CDC42SE2: variants seen among roughly 807,000 people sequenced by gnomAD.
CDC42SE2 encodes CDC42 small effector protein 2.
Under a neutral mutation model 11.5 loss-of-function variants are expected in CDC42SE2, and 3 were observed. The ratio of observed to expected loss-of-function variants is 0.26; its 90% CI spans 0.12 to 0.67. CDC42SE2 has a LOEUF of 0.67. Ranked by LOEUF, CDC42SE2 falls within the 30% of genes least tolerant of loss-of-function variation. CDC42SE2 has a pLI of 0.80. For missense variants in CDC42SE2, 82 were observed against 106.8 expected (o/e 0.77, Z 1.02); for synonymous variants, 33 against 34.8 (o/e 0.95, Z 0.18).
intron 1 of CDC42SE2, among the ~76,000 whole-genome samples, chr5:131,279,458 C>T (rs1398279154): frequency 7.0e-6 from 1 of 143,770 alleles, no homozygotes. Flanking sequence ...CCCTCCCCCC[C>T]CCCCTTTCAG....
At chr5:131,238,732 C>T in the CDC42SE2 span, among the ~76,000 whole-genome samples, 1 of 151,756 alleles carries the variant, frequency 6.6e-6, no homozygotes, top group Non-Finnish European at 1.5e-5. Context: ...TAATAAGTAG[C>T]TCATTGAATT....
chr5:131,295,404 ATATAT>A (rs1480378051), intron 1 of CDC42SE2, among the ~76,000 whole-genome samples: 1 of 152,210 alleles, frequency 6.6e-6, no homozygotes, highest in Non-Finnish European at 1.5e-5. Context: ...GATTGGTTAA[ATATAT>A]TATGGTGCAT....
At chr5:131,353,313 G>C (rs907288871) in intron 2 of CDC42SE2, among the ~76,000 whole-genome samples, 1 of 148,432 alleles carries the variant, frequency 6.7e-6, no homozygotes, top group African/African-American at 2.5e-5. Context: ...ACACGGTCTT[G>C]TTCTGTTGCC....
At chr5:131,351,489 T>C (rs555014208) in intron 2 of CDC42SE2, among the ~76,000 whole-genome samples, 147 of 152,092 alleles carry the variant, frequency 9.7e-4, no homozygotes, top group South Asian at 7.5e-3. Context: ...CTCCTGACCT[T>C]GTGATCCGCC....
chr5:131,260,261 C>T (rs2149685993), upstream of CDC42SE2, among the ~76,000 whole-genome samples: 1 of 152,288 alleles, frequency 6.6e-6, no homozygotes, highest in Admixed American at 6.5e-5. Flanking sequence ...CAGACTCTGA[C>T]TCCGTACACC....
the CDC42SE2 span, among the ~76,000 whole-genome samples, chr5:131,238,144 G>T: frequency 6.6e-6 from 1 of 151,708 alleles, no homozygotes; most frequent in Non-Finnish European, 1.5e-5. Flanking sequence ...ATTCTCGGGG[G>T]TGAGGGCAAG....
chr5:131,265,758 A>T (rs1756846183), intron 1 of CDC42SE2, among the ~76,000 whole-genome samples: 1 of 152,212 alleles, frequency 6.6e-6, no homozygotes. Flanking sequence ...TTGTCAGTTT[A>T]ATAGAATCTG....
At chr5:131,258,072 C>T (rs1201987898) in intron 2 of CDC42SE2, among the ~76,000 whole-genome samples, 1 of 152,108 alleles carries the variant, frequency 6.6e-6, no homozygotes, top group Admixed American at 6.6e-5. Flanking sequence ...TTCATCTTTC[C>T]CCACTCTTGT....
intron 2 of CDC42SE2, among the ~76,000 whole-genome samples, chr5:131,331,988 T>G: frequency 6.6e-6 from 1 of 152,220 alleles, no homozygotes; most frequent in East Asian, 1.9e-4. Context: ...TTGTTATACT[T>G]TAAGTTTTAG....
At chr5:131,317,143 C>T (rs981860924) in intron 2 of CDC42SE2, among the ~76,000 whole-genome samples, 4 of 151,922 alleles carry the variant, frequency 2.6e-5, no homozygotes, top group Non-Finnish European at 5.9e-5. Context: ...TTTCTTTACC[C>T]ACACTGCTTC....
chr5:131,287,269 A>C (rs1038920733), intron 1 of CDC42SE2, among the ~76,000 whole-genome samples: 4 of 152,188 alleles, frequency 2.6e-5, no homozygotes, highest in Non-Finnish European at 5.9e-5. Flanking sequence ...TGCTGGGATT[A>C]CAGGCGTGAG....
At chr5:131,278,037 A>G (rs540179870) in intron 1 of CDC42SE2, among the ~76,000 whole-genome samples, 1 of 152,166 alleles carries the variant, frequency 6.6e-6, no homozygotes, top group African/African-American at 2.4e-5. Flanking sequence ...TCTGTCTCCC[A>G]GGCTGGAGTT....
At chr5:131,307,050 C>T (rs1171407645) in intron 1 of CDC42SE2, among the ~76,000 whole-genome samples, 1 of 151,544 alleles carries the variant, frequency 6.6e-6, no homozygotes, top group Non-Finnish European at 1.5e-5. Flanking sequence ...AATTTCTCTT[C>T]TTCCTTTTTT....
At chr5:131,377,250 C>T (rs963400703) in intron 3 of CDC42SE2, among the ~76,000 whole-genome samples, 2 of 151,278 alleles carry the variant, frequency 1.3e-5, no homozygotes, top group African/African-American at 4.9e-5. Context: ...CTCACTGCAA[C>T]GTCTGCCTCC....
intron 1 of CDC42SE2, among the ~76,000 whole-genome samples, chr5:131,277,898 C>T (rs747841340): frequency 1.1e-4 from 17 of 152,064 alleles, no homozygotes; most frequent in Non-Finnish European, 2.2e-4. Flanking sequence ...TGTCTTATTC[C>T]TTGCTGTCTA....
chr5:131,256,437 C>A (rs1554093668), intron 2 of CDC42SE2, among the ~76,000 whole-genome samples: 1 of 152,154 alleles, frequency 6.6e-6, no homozygotes, highest in Non-Finnish European at 1.5e-5. Context: ...TGCTGTGTGA[C>A]AAATTAATAT....
intron 2 of CDC42SE2, among the ~76,000 whole-genome samples, chr5:131,342,450 G>A (rs111874237): frequency 1.6e-3 from 220 of 134,116 alleles, no homozygotes; most frequent in African/African-American, 6.1e-3. Context: ...GTGCAGTGGC[G>A]CCGATCTCAG....
intron 3 of CDC42SE2, among the ~76,000 whole-genome samples, chr5:131,384,196 G>C (rs1750406545): frequency 6.6e-6 from 1 of 152,152 alleles, no homozygotes; most frequent in African/African-American, 2.4e-5. Context: ...AAAGCGTCAG[G>C]GTTTTTTGTG....
At chr5:131,305,385 T>C (rs930852181) in intron 1 of CDC42SE2, among the ~76,000 whole-genome samples, 4 of 152,230 alleles carry the variant, frequency 2.6e-5, no homozygotes, top group Admixed American at 1.3e-4. Context: ...AGAGCTCTGC[T>C]GTGCAACCTG....
Sources: gnomAD v4.1 joint callset for allele counts (sites outside exome capture counted in the v4.1 genomes callset) on GRCh38, gnomAD v4.1.1 for gene constraint, MANE v1.5 for transcripts, NCBI Gene and HGNC (gene_info 2026-07-23, HGNC 2026-07-21) for gene names.